CDCP1: variants seen among roughly 807,000 people sequenced by gnomAD.
CDCP1 encodes the protein CUB domain-containing protein 1.
A neutral mutation model predicts 60.2 loss-of-function variants in CDCP1; 29 were observed. The observed-to-expected ratio is 0.48, with a 90% CI of 0.36 to 0.66. The LOEUF (loss-of-function observed/expected upper bound fraction) is 0.66. Ranked by LOEUF, CDCP1 falls within the 30% of genes least tolerant of loss-of-function variation. The pLI is 0.00. For synonymous variants in CDCP1, 387 were observed against 431.1 expected, an observed-to-expected ratio of 0.90 and a Z score of 1.27; for missense variants, 876 against 1,074.3, an observed-to-expected ratio of 0.82 and a Z score of 2.58.
chr3:45,087,891 G>A (rs986184875), intron 8 of CDCP1, among the ~76,000 whole-genome samples: 8 of 152,072 alleles, frequency 5.3e-5, no homozygotes, highest in Non-Finnish European at 1.2e-4. Flanking sequence ...GCGTGGTGGC[G>A]GGTGCCTGTA....
intron 1 of CDCP1, among the ~76,000 whole-genome samples, chr3:45,144,861 T>A (rs2126011921): frequency 6.6e-6 from 1 of 152,194 alleles, no homozygotes; most frequent in East Asian, 1.9e-4. Flanking sequence ...TAAATATTCA[T>A]CAGCCAGGCA....
intron 4 of CDCP1, among the ~76,000 whole-genome samples, chr3:45,096,013 TA>T (rs1250570812): frequency 1.3e-5 from 2 of 152,206 alleles, no homozygotes; most frequent in African/African-American, 2.4e-5. Flanking sequence ...AAATGCAAGT[TA>T]AAACAAAGTG....
chr3:45,098,632 G>A (rs530754424), intron 4 of CDCP1, among the ~76,000 whole-genome samples: 5 of 146,864 alleles, frequency 3.4e-5, no homozygotes, highest in African/African-American at 1.3e-4. Context: ...ACAGACTAGC[G>A]AACACTCACA....
chr3:45,110,257 T>C, intron 4 of CDCP1: 1 of 1,390,930 alleles, frequency 7.2e-7, no homozygotes, highest in African/African-American at 1.4e-5. Context: ...AAGATTTCTT[T>C]TTATTGTGCT....
Position 45,091,243 on chromosome 3 carries a change from A to G in CDCP1, c.1923T>C (p.Ser641=), listed in dbSNP as rs1460999337. The G allele has an allele frequency of 2.5e-6, 4 of 1,613,378 alleles. No homozygotes were observed. Among genetic ancestry groups the G allele is most frequent in the East Asian group, 2.2e-5 (1 of 44,800 alleles). Residue 641 remains serine (S), a synonymous_variant, in exon 7 of 9, where the codon TCT becomes TCC. Coordinates refer to ENST00000296129, the MANE Select transcript of CDCP1 (RefSeq NM_022842.5). This position sits in a 1 kb window ranked among gnomAD's most constrained non-coding sequence, Gnocchi z 4.8. The part of the protein sequence containing the change: ...FHHHSFWVNI[S]NCSPTSGKQL... ...GCTTGCCGCTCGTGGGGCTGCAGTT[A>G]GAGATGTTGACCCAGAAGCTGTGAT...
At chr3:45,098,540 ATTGGCTTC>A (rs1445884272) in intron 4 of CDCP1, among the ~76,000 whole-genome samples, 4 of 151,866 alleles carry the variant, frequency 2.6e-5, no homozygotes, top group Non-Finnish European at 5.9e-5. Context: ...GGCACTGTCT[ATTGGCTTC>A]CCACTCAGGA....
In CDCP1 at chr3:45,085,624, T is replaced by C; in HGVS notation, c.*14A>G. The C allele has an allele frequency of 6.2e-7, 1 of 1,603,450 alleles. No homozygotes were observed. The highest frequency in any genetic ancestry group is 8.5e-7 in the Non-Finnish European group (1 of 1,173,098). On this transcript the variant is annotated 3_prime_UTR_variant, in exon 9 of 9. Transcript: ENST00000296129. This position sits in a 1 kb window ranked among gnomAD's most constrained non-coding sequence, Gnocchi z 4.2. ...GCTTTATGAAACTCAGCAAAGCGTC[T>C]GGAATGGATCAAGTTATTCTGCTGG...
chr3:45,100,198 C>T (rs993790098), intron 4 of CDCP1, among the ~76,000 whole-genome samples: 7 of 152,092 alleles, frequency 4.6e-5, no homozygotes, highest in African/African-American at 1.4e-4. Flanking sequence ...CATTCTCTAC[C>T]GAAGGGAAGA....
intron 4 of CDCP1, among the ~76,000 whole-genome samples, chr3:45,100,365 T>C (rs1698469549): frequency 6.6e-6 from 1 of 152,208 alleles, no homozygotes; most frequent in Admixed American, 6.5e-5. Context: ...ACTTCTCTCT[T>C]CTGTCAGCTC....
At chr3:45,121,355 C>T (rs1382280105) in intron 1 of CDCP1, among the ~76,000 whole-genome samples, 3 of 152,160 alleles carry the variant, frequency 2.0e-5, no homozygotes, top group Non-Finnish European at 4.4e-5. Flanking sequence ...GTTCAGAAAC[C>T]CAGTTGCCAG....
chr3:45,112,864 C>T (rs562319789), intron 2 of CDCP1, among the ~76,000 whole-genome samples: 17 of 152,364 alleles, frequency 1.1e-4, no homozygotes, highest in Admixed American at 6.5e-4. Flanking sequence ...CAGCTAAAAC[C>T]GCATCTGCAT....
Position 45,095,475 on chromosome 3 carries a change from C to A in CDCP1, c.1118G>T (p.Gly373Val). 1 of 1,614,148 alleles carries A rather than the reference C, an allele frequency of 6.2e-7. No individual in the cohort carries two copies. Among genetic ancestry groups the A allele is most frequent in the Non-Finnish European group, 8.5e-7 (1 of 1,180,022 alleles). The change falls in exon 5 of 9, where the codon GGC (glycine) becomes GTC (valine). Residue 373 changes from glycine (G) to valine (V), a missense_variant. Gly to Val is a moderately radical substitution (Grantham distance 109). Around this residue, in one of 2 missense-constraint regions of CDCP1, gnomAD observed 726 missense variants for 935.7 expected, o/e 0.78. Transcript: ENST00000296129. ...CCGAGATTCTAGACACACGAAACAG[C>A]CAGGGACAAACTTGCGGCTCTGTTT... ...PVKQSRKFVP[G>V]CFVCLESRTC...
chr3:45,085,840 C>A lies in CDCP1; in HGVS notation c.2309G>T (p.Gly770Val). The A allele has an allele frequency of 6.2e-7, 1 of 1,614,090 alleles. No homozygotes were observed. The highest frequency in any genetic ancestry group is 8.5e-7 in the Non-Finnish European group (1 of 1,180,008). ...GGTGGGTGGGGAGGGAGGACAGACCCCCATGGTGCCCTGGAACGGCCGGTA... is the reference window on the plus strand; with the variant it reads ...GGTGGGTGGGGAGGGAGGACAGACCACCATGGTGCCCTGGAACGGCCGGTA... ...DTYRPFQGTM[G>V]VCPPSPPTIC... Residue 770 changes from glycine to valine, a missense_variant, in exon 9 of 9, where the codon GGG becomes GTG. By Grantham distance (109) the Gly-to-Val change is moderately radical. Transcript: ENST00000296129. This position sits in a 1 kb window ranked among gnomAD's most constrained non-coding sequence, Gnocchi z 4.2.
intron 1 of CDCP1, among the ~76,000 whole-genome samples, chr3:45,144,157 G>A (rs1302090105): frequency 2.0e-5 from 3 of 152,016 alleles, no homozygotes; most frequent in East Asian, 3.8e-4. Flanking sequence ...ACAAACACAC[G>A]ACACCAAGAC....
intron 1 of CDCP1, among the ~76,000 whole-genome samples, chr3:45,144,334 C>G (rs1016667664): frequency 1.3e-5 from 2 of 152,180 alleles, no homozygotes; most frequent in African/African-American, 4.8e-5. Context: ...TTCTCAAAGG[C>G]CTTTGCCACT....
chr3:45,110,367 A>T, intron 4 of CDCP1, 106 bp downstream of exon 4: 1 of 1,489,410 alleles, frequency 6.7e-7, no homozygotes, highest in South Asian at 1.4e-5. Flanking sequence ...TAAGTGTTTC[A>T]GAAGCCACAG....
At position 45,110,747 on chromosome 3, in the gene CDCP1, C is replaced by T; in HGVS notation, c.750G>A (p.Met250Ile). The T allele has an allele frequency of 6.2e-7, 1 of 1,614,174 alleles. No homozygotes were observed. Among genetic ancestry groups the T allele is most frequent in the Non-Finnish European group, 8.5e-7 (1 of 1,180,042 alleles). ...GTGCAGGAACGACAAACTGCCACGT[C>T]ATGAGCTCATCCTCAGGGAAGCCTT... is the stretch of plus-strand genomic sequence containing the variant. The part of the protein sequence containing the change: ...YPEGFPEDEL[M>I]TWQFVVPAHL... Residue 250 changes from methionine (M) to isoleucine (I), a missense_variant, in exon 4 of 9, where the codon ATG becomes ATA. By Grantham distance (10) the Met-to-Ile change is conservative. Around this residue, in one of 2 missense-constraint regions of CDCP1, gnomAD observed 726 missense variants for 935.7 expected, o/e 0.78. Coordinates refer to ENST00000296129, the MANE Select transcript of CDCP1 (RefSeq NM_022842.5).
At chr3:45,092,509 A>G (rs1698313264) in intron 6 of CDCP1, among the ~76,000 whole-genome samples, 1 of 152,170 alleles carries the variant, frequency 6.6e-6, no homozygotes, top group African/African-American at 2.4e-5. Context: ...CCTCAGAAGG[A>G]GTTTCTCTGG....
chr3:45,127,047 G>A (rs1410861783), intron 1 of CDCP1, among the ~76,000 whole-genome samples: 4 of 152,160 alleles, frequency 2.6e-5, no homozygotes, highest in African/African-American at 4.8e-5. Context: ...ATGATGGTGC[G>A]TTGTTCTTAC....
Sources: gnomAD v4.1 joint callset for allele counts (sites outside exome capture counted in the v4.1 genomes callset) on GRCh38, gnomAD v4.1.1 for gene constraint, gnomAD v4.1.1 regional missense constraint, Gnocchi (gnomAD v3.1) non-coding constraint, MANE v1.5 for transcripts, NCBI Gene and HGNC (gene_info 2026-07-23, HGNC 2026-07-21) for gene names.